HHIPL1: variants seen among roughly 807,000 people sequenced by gnomAD.
The protein encoded by HHIPL1 is HHIP-like protein 1.
HHIPL1 carries 43 observed loss-of-function variants against 61.8 expected under a neutral mutation model. That is an observed-to-expected ratio of 0.70 (90% CI 0.55 to 0.90). The LOEUF (loss-of-function observed/expected upper bound fraction) is 0.90, where lower values mean the gene tolerates loss of function less well. Among genes scored for constraint, HHIPL1 ranks in the 40% least tolerant of loss-of-function variants. HHIPL1 has a pLI of 0.00. For synonymous variants in HHIPL1, 482 were observed against 515.8 expected, an observed-to-expected ratio of 0.93 and a Z score of 0.89; for missense variants, 1,056 against 1,157.7, an observed-to-expected ratio of 0.91 and a Z score of 1.28.
At chr14:99,649,111 C>T (rs2055886679) in intron 1 of HHIPL1, among the ~76,000 whole-genome samples, 1 of 152,230 alleles carries the variant, frequency 6.6e-6, no homozygotes, top group African/African-American at 2.4e-5. Flanking sequence ...CTGGACTACC[C>T]TGGTCTGGGC....
intron 1 of HHIPL1, 119 bp downstream of exon 1, chr14:99,645,581 C>A: frequency 9.2e-7 from 1 of 1,081,232 alleles, no homozygotes; most frequent in Non-Finnish European, 1.2e-6. Flanking sequence ...GAACTCTAAG[C>A]CCCAACAGGG....
At chr14:99,633,964 CA>C in the HHIPL1 span, among the ~76,000 whole-genome samples, 1 of 152,312 alleles carries the variant, frequency 6.6e-6, no homozygotes, top group Non-Finnish European at 1.5e-5. Flanking sequence ...GGCCTGTCTC[CA>C]TGCAGGGCTG....
the HHIPL1 span, among the ~76,000 whole-genome samples, chr14:99,631,269 G>T: frequency 2.0e-5 from 3 of 151,680 alleles, no homozygotes; most frequent in Admixed American, 6.6e-5. Context: ...GCTAAGTTTT[G>T]TATTTTTGCC....
In HHIPL1 at chr14:99,660,028, A is replaced by C. The variant is rs1315439908; in HGVS notation, c.1376-252A>C. Among the ~76,000 whole-genome samples the C allele has an allele frequency of 1.4e-5, 2 of 145,628 alleles. No individual in the cohort carries two copies. Among genetic ancestry groups the C allele is most frequent in the Non-Finnish European group, 3.0e-5 (2 of 66,438 alleles). On this transcript the variant is annotated intron_variant, in intron 4 of 8. Transcript: ENST00000330710. The surrounding 1 kb of genome is among the most constrained non-coding windows in gnomAD (Gnocchi z 4.9). Reference sequence around the variant, plus strand: ...TCCTTCGGTGACTGCCCCCGCCTCCACCCGGAGCCTCCCTGCGCCTTGGAG... The same window carrying C: ...TCCTTCGGTGACTGCCCCCGCCTCCCCCCGGAGCCTCCCTGCGCCTTGGAG...
Position 99,645,318 on chromosome 14 carries a change from C to T in HHIPL1, c.111C>T (p.Arg37=). The T allele has an allele frequency of 6.9e-7, 1 of 1,457,794 alleles. No homozygotes were observed. The highest frequency in any genetic ancestry group is 9.0e-7 in the Non-Finnish European group (1 of 1,109,832). The allele number at this position is 1,457,794 out of a possible 1,614,324, so 90.3% of individuals were successfully genotyped here. Residue 37 remains arginine, a synonymous_variant, in exon 1 of 9, where the codon CGC becomes CGT. Transcript: ENST00000330710. Reference sequence around the variant, plus strand: ...CCTTCCGGCCGACGCAGCCGCTGCGCCTCTGCGCGCAGTACTCGGACTTCG... The same window carrying T: ...CCTTCCGGCCGACGCAGCCGCTGCGTCTCTGCGCGCAGTACTCGGACTTCG... ...RPPFRPTQPL[R]LCAQYSDFGC...
the HHIPL1 span, among the ~76,000 whole-genome samples, chr14:99,608,702 T>G: frequency 1.3e-5 from 2 of 152,232 alleles, no homozygotes; most frequent in Non-Finnish European, 2.9e-5. Context: ...TGGACAATGT[T>G]GACTGGGCAC....
the HHIPL1 span, among the ~76,000 whole-genome samples, chr14:99,618,331 G>T: frequency 6.6e-6 from 1 of 152,184 alleles, no homozygotes; most frequent in Non-Finnish European, 1.5e-5. Context: ...GCGGACCCAT[G>T]GAAGGTCCAC....
chr14:99,653,011 G>C lies in HHIPL1; in HGVS notation c.902+141G>C, dbSNP rs1028027540. 5 of 831,220 alleles carry C rather than the reference G, an allele frequency of 6.0e-6. No homozygotes were observed. In the African/African-American group the frequency reaches 6.9e-5, roughly 11 times the overall value. The allele number at this position is 831,220 out of a possible 1,614,324, so 51.5% of individuals were successfully genotyped here. ...GGGGTGCTGAATTTCATGCTTTGGGGCCTGGAGAAGGACAGTTTTACAGAA... is the reference window on the plus strand; with the variant it reads ...GGGGTGCTGAATTTCATGCTTTGGGCCCTGGAGAAGGACAGTTTTACAGAA... On this transcript the variant is annotated intron_variant, in intron 2 of 8. Transcript: ENST00000330710.
Position 99,665,856 on chromosome 14 carries a change from ACTGCAACCT to A in HHIPL1, c.1649-2361_1649-2353del, listed in dbSNP as rs1239939394. 7.9e-5 allele frequency among the ~76,000 whole-genome samples: 12 copies of A among 150,948 alleles called. 1 individual carries two copies. In the East Asian group the frequency reaches 2.4e-3, roughly 30 times the overall value. Reference sequence around the variant, plus strand: ...GAGTACAGTGGTGTGATCTCGGCTCACTGCAACCTCTGCCTCCTGGGTTCAAGTGATTCT... The same window carrying A: ...GAGTACAGTGGTGTGATCTCGGCTCACTGCCTCCTGGGTTCAAGTGATTCT... On this transcript the variant is annotated intron_variant, in intron 6 of 8. Transcript: ENST00000330710.
the HHIPL1 span, among the ~76,000 whole-genome samples, chr14:99,618,604 G>A: frequency 6.6e-6 from 1 of 152,232 alleles, no homozygotes; most frequent in Admixed American, 6.5e-5. Flanking sequence ...GTCCGCTCTG[G>A]GCTCACCCAC....
intron 8 of HHIPL1, among the ~76,000 whole-genome samples, chr14:99,672,789 C>T (rs566872604): frequency 2.6e-4 from 40 of 152,242 alleles, no homozygotes; most frequent in South Asian, 1.7e-3. Context: ...TGAGGAGAGA[C>T]GACAGAGCAG....
intron 1 of HHIPL1, among the ~76,000 whole-genome samples, chr14:99,646,366 G>A (rs2055833771): frequency 6.6e-6 from 1 of 152,274 alleles, no homozygotes; most frequent in South Asian, 2.1e-4. Context: ...TCGGCCAGCA[G>A]GGGCAGGTGG....
chr14:99,621,718 T>TCTTTC, the HHIPL1 span, among the ~76,000 whole-genome samples: 6,094 of 132,904 alleles, frequency 0.046, 495 homozygotes, highest in African/African-American at 0.16. Context: ...TCTTTTTTTT[T>TCTTTC]TTTTTTTTTT....
At chr14:99,615,718 A>G in the HHIPL1 span, among the ~76,000 whole-genome samples, 4 of 152,136 alleles carry the variant, frequency 2.6e-5, no homozygotes, top group African/African-American at 9.6e-5. Flanking sequence ...AGAAGGAAAG[A>G]AAGAGAAAGA....
At chr14:99,654,295 G>A (rs2055991744) in intron 2 of HHIPL1, among the ~76,000 whole-genome samples, 1 of 152,232 alleles carries the variant, frequency 6.6e-6, no homozygotes, top group Admixed American at 6.5e-5. Context: ...GGGCCGGGAG[G>A]ACAAAGTGAG....
the HHIPL1 span, among the ~76,000 whole-genome samples, chr14:99,639,521 A>AT: frequency 6.6e-6 from 1 of 150,682 alleles, no homozygotes; most frequent in African/African-American, 2.4e-5. Context: ...ATGTTTTTGG[A>AT]TTTTTTGTAG....
At chr14:99,621,171 TCA>T in the HHIPL1 span, among the ~76,000 whole-genome samples, 5,777 of 152,206 alleles carry the variant, frequency 0.038, 368 homozygotes, top group African/African-American at 0.13. Context: ...CAATCTCAGC[TCA>T]CTGTAATCTC....
chr14:99,652,282 G>A lies in HHIPL1; in HGVS notation c.314G>A (p.Arg105His), dbSNP rs755813422. The part of the protein sequence containing the change: ...YDAEDPFTPL[R>H]TVPGLCQDYC... ...GCCGAGGACCCATTCACGCCCCTGCGCACGGTGCCCGGGCTCTGCCAGGAT... is the reference window on the plus strand; with the variant it reads ...GCCGAGGACCCATTCACGCCCCTGCACACGGTGCCCGGGCTCTGCCAGGAT... The change falls in exon 2 of 9, where the codon CGC becomes CAC. Residue 105 changes from arginine to histidine, a missense_variant. Arg to His is a conservative substitution (Grantham distance 29, BLOSUM62 0). Coordinates refer to ENST00000330710, the MANE Select transcript of HHIPL1 (RefSeq NM_001127258.3). The A allele has an allele frequency of 1.5e-5, 24 of 1,613,652 alleles. No individual in the cohort carries two copies. Among genetic ancestry groups the A allele is most frequent in the Middle Eastern group, 1.7e-4 (1 of 6,050 alleles).
At chr14:99,627,321 T>TATCCATCCATCTGCCCATCCATCC in the HHIPL1 span, among the ~76,000 whole-genome samples, 2 of 149,850 alleles carry the variant, frequency 1.3e-5, no homozygotes, top group African/African-American at 5.0e-5. The surrounding 1 kb of genome is among the most constrained non-coding windows in gnomAD (Gnocchi z 4.4). Flanking sequence ...CCCATCCATC[T>TATCCATCCATCTGCCCATCCATCC]ATCCATCCAT....
Sources: allele counts gnomAD v4.1 joint callset (sites outside exome capture counted in the v4.1 genomes callset), GRCh38; gene constraint gnomAD v4.1.1; non-coding constraint Gnocchi (gnomAD v3.1); transcripts MANE v1.5; gene names NCBI Gene and HGNC (gene_info 2026-07-23, HGNC 2026-07-21).